Variants in CDC42BPA observed in about 807,000 individuals in gnomAD.
The protein encoded by CDC42BPA is CDC42 binding protein kinase alpha, also known as serine/threonine-protein kinase MRCK alpha.
In CDC42BPA, 80 loss-of-function variants were observed where a neutral mutation model predicts 223.5. The observed-to-expected ratio is 0.36, with a 90% CI of 0.30 to 0.43. The LOEUF is 0.43. CDC42BPA is among the 20% of genes least tolerant of loss of function. The pLI, the probability that CDC42BPA is intolerant of heterozygous loss-of-function variation, is 1.00. For synonymous variants in CDC42BPA, 694 were observed against 718.6 expected, an observed-to-expected ratio of 0.97 and a Z score of 0.55; for missense variants, 1,743 against 2,099.9, an observed-to-expected ratio of 0.83 and a Z score of 3.32.
intron 1 of CDC42BPA, among the ~76,000 whole-genome samples, chr1:227,289,721 G>T (rs140557657): frequency 5.7e-4 from 86 of 152,200 alleles, no homozygotes; most frequent in African/African-American, 2.0e-3. Context: ...CACAAACACT[G>T]TATCATGGCA....
intron 22 of CDC42BPA, among the ~76,000 whole-genome samples, chr1:227,051,424 T>G (rs752691792): frequency 2.6e-5 from 4 of 152,224 alleles, no homozygotes; most frequent in Non-Finnish European, 5.9e-5. Context: ...TTTAGTTGAC[T>G]GTTACCAATT....
chr1:227,143,504 C>T (rs1451860278), intron 8 of CDC42BPA, among the ~76,000 whole-genome samples: 1 of 152,186 alleles, frequency 6.6e-6, no homozygotes, highest in Admixed American at 6.5e-5. Context: ...TGGTGTCATG[C>T]ATTTCACATT....
At chr1:226,997,268 T>C (rs1055160184) in intron 35 of CDC42BPA, among the ~76,000 whole-genome samples, 17 of 152,226 alleles carry the variant, frequency 1.1e-4, no homozygotes, top group African/African-American at 3.4e-4. Context: ...TATTCTTTGA[T>C]GGTAGTTTCT....
At chr1:227,007,456 CAA>C (rs1489489112) in intron 34 of CDC42BPA, among the ~76,000 whole-genome samples, 1 of 151,910 alleles carries the variant, frequency 6.6e-6, no homozygotes, top group African/African-American at 2.4e-5. Context: ...TATAAGAGAC[CAA>C]AAAAGTCACC....
intron 5 of CDC42BPA, among the ~76,000 whole-genome samples, chr1:227,187,676 C>CT (rs1558708473): frequency 1.4e-4 from 1 of 7,104 alleles, no homozygotes; most frequent in Non-Finnish European, 3.1e-4. Context: ...AATGGCACCC[C>CT]CCACCCCCCC....
At chr1:227,107,322 C>A (rs1686102215) in intron 14 of CDC42BPA, among the ~76,000 whole-genome samples, 1 of 152,188 alleles carries the variant, frequency 6.6e-6, no homozygotes, top group Non-Finnish European at 1.5e-5. Flanking sequence ...TCTTAACATT[C>A]TTTGCAGACT....
intron 1 of CDC42BPA, among the ~76,000 whole-genome samples, chr1:227,303,851 T>C (rs1366102235): frequency 6.6e-6 from 1 of 152,220 alleles, no homozygotes; most frequent in Non-Finnish European, 1.5e-5. Context: ...TGTTAGTGAA[T>C]TGCAGAAGGA....
intron 4 of CDC42BPA, among the ~76,000 whole-genome samples, chr1:227,197,214 T>C (rs1670903431): frequency 6.6e-6 from 1 of 152,142 alleles, no homozygotes; most frequent in Non-Finnish European, 1.5e-5. Flanking sequence ...GAAAAACAAT[T>C]ATATATAATA....
intron 10 of CDC42BPA, among the ~76,000 whole-genome samples, chr1:227,132,962 C>G (rs896981015): frequency 6.0e-5 from 9 of 150,174 alleles, no homozygotes; most frequent in African/African-American, 2.0e-4. Context: ...AAGTGAGGAG[C>G]CCCGCCGTCC....
chr1:227,204,176 T>G, intron 3 of CDC42BPA, among the ~76,000 whole-genome samples: 1 of 152,222 alleles, frequency 6.6e-6, no homozygotes, highest in African/African-American at 2.4e-5. Context: ...AGTGAAATTT[T>G]AAATTGCAAA....
intron 1 of CDC42BPA, among the ~76,000 whole-genome samples, chr1:227,273,796 T>C (rs1315009290): frequency 2.0e-5 from 3 of 150,684 alleles, no homozygotes; most frequent in Non-Finnish European, 4.4e-5. Flanking sequence ...TGATGACACT[T>C]CCTCAAAGTT....
chr1:227,179,300 C>G (rs545185282), intron 5 of CDC42BPA, among the ~76,000 whole-genome samples: 2 of 152,080 alleles, frequency 1.3e-5, no homozygotes, highest in East Asian at 3.9e-4. Context: ...AACCACTGTA[C>G]ACATTAATGA....
chr1:227,254,964 G>A (rs950414572), intron 1 of CDC42BPA, among the ~76,000 whole-genome samples: 3 of 152,118 alleles, frequency 2.0e-5, no homozygotes, highest in African/African-American at 7.2e-5. Context: ...GGTGTTAATG[G>A]TAAATAATCC....
intron 1 of CDC42BPA, among the ~76,000 whole-genome samples, chr1:227,306,133 A>C (rs1692491945): frequency 1.8e-5 from 2 of 110,092 alleles, no homozygotes; most frequent in South Asian, 7.1e-4. Flanking sequence ...ATCATGTTCT[A>C]AGTGGTTTTT....
intron 34 of CDC42BPA, among the ~76,000 whole-genome samples, chr1:227,007,130 C>G (rs1363016542): frequency 2.6e-5 from 4 of 152,204 alleles, no homozygotes; most frequent in Non-Finnish European, 5.9e-5. Context: ...TGTGACTTTT[C>G]CAAAGGATCA....
At chr1:227,142,317 G>A (rs983911010) in intron 9 of CDC42BPA, among the ~76,000 whole-genome samples, 5 of 150,828 alleles carry the variant, frequency 3.3e-5, no homozygotes, top group African/African-American at 1.2e-4. Flanking sequence ...GTCAGTGAAA[G>A]GATGGTAGAA....
At chr1:227,194,693 T>G (rs914586331) in intron 4 of CDC42BPA, among the ~76,000 whole-genome samples, 1 of 152,224 alleles carries the variant, frequency 6.6e-6, no homozygotes, top group Non-Finnish European at 1.5e-5. Flanking sequence ...TTTATAAGCA[T>G]GTATTACATA....
Position 227,269,544 on chromosome 1 carries a change from T to C in CDC42BPA, c.179-15389A>G, listed in dbSNP as rs73098322. ...TATCTATATGAAAACTTAAGTCTCCTGTAAGGTAAAAGATAACACGAACAA... is the reference window on the plus strand; with the variant it reads ...TATCTATATGAAAACTTAAGTCTCCCGTAAGGTAAAAGATAACACGAACAA... On this transcript the variant is annotated intron_variant, in intron 1 of 36. Transcript: ENST00000366766. Among the ~76,000 whole-genome samples the C allele has an allele frequency of 4.7e-3, 714 of 152,228 alleles. 8 individuals carry two copies. The highest frequency in any genetic ancestry group is 0.016 in the African/African-American group (674 of 41,558).
chr1:227,123,057 C>T (rs904637073), intron 11 of CDC42BPA, among the ~76,000 whole-genome samples: 1 of 152,184 alleles, frequency 6.6e-6, no homozygotes, highest in Non-Finnish European at 1.5e-5. Flanking sequence ...AATCCTAGCA[C>T]TTTGGGAGGC....
Sources: gnomAD v4.1 joint callset for allele counts (sites outside exome capture counted in the v4.1 genomes callset) on GRCh38, gnomAD v4.1.1 for gene constraint, MANE v1.5 for transcripts, NCBI Gene and HGNC (gene_info 2026-07-23, HGNC 2026-07-21) for gene names.